Variants in SLC5A8 observed in about 807,000 individuals in gnomAD.
SLC5A8 encodes solute carrier family 5 member 8, also known as sodium-coupled monocarboxylate transporter 1.
SLC5A8 carries 55 observed loss-of-function variants against 71.9 expected under a neutral mutation model. The observed-to-expected ratio is 0.77, with a 90% CI of 0.62 to 0.96. SLC5A8 has a LOEUF of 0.96. Among genes scored for constraint, SLC5A8 ranks in the 40% least tolerant of loss-of-function variants. The probability of loss-of-function intolerance (pLI) is 0.00; values close to 1 mark genes in which losing one functional copy is unlikely to be tolerated. For synonymous variants in SLC5A8, 307 were observed against 276.1 expected (o/e 1.11, Z -1.11); for missense variants, 701 against 745.3 (o/e 0.94, Z 0.69).
intron 7 of SLC5A8, among the ~76,000 whole-genome samples, chr12:101,184,649 C>A (rs1196341125): frequency 1.3e-5 from 2 of 152,182 alleles, no homozygotes; most frequent in South Asian, 2.1e-4. Flanking sequence ...ATTTGACACA[C>A]CTCTGTGCTT....
intron 10 of SLC5A8, among the ~76,000 whole-genome samples, chr12:101,170,266 G>A (rs2051816354): frequency 6.6e-6 from 1 of 152,192 alleles, no homozygotes; most frequent in African/African-American, 2.4e-5. Flanking sequence ...CACAGGAGGT[G>A]AAAGACCCTT....
rs117461589 is a variant in SLC5A8 at position 101,171,698 on chromosome 12, C to T, written c.1234-3516G>A. Among the ~76,000 whole-genome samples the T allele has an allele frequency of 7.9e-3, 1,198 of 152,214 alleles. 12 individuals carry two copies. Among genetic ancestry groups the T allele is most frequent in the South Asian group, 0.026 (125 of 4,810 alleles). On this transcript the variant is annotated intron_variant, in intron 10 of 14. Transcript: ENST00000536262. ...AGGACAGGTAGCGACCAAGTCTGGA[C>T]GGGAAGCAATGGATGTGTGGCAGGC...
Position 101,157,344 on chromosome 12 carries a change from G to T in SLC5A8, c.1768C>A (p.Pro590Thr), listed in dbSNP as rs1566302431. 1 of 1,612,980 alleles carries T rather than the reference G, an allele frequency of 6.2e-7. No homozygotes were observed. Among genetic ancestry groups the T allele is most frequent in the South Asian group, 1.1e-5 (1 of 90,956 alleles). ...HPVEDGGTDN[P>T]AFNHIELNSD... ...TTCAATTCAATGTGGTTGAAAGCAG[G>T]ATTATCAGTTCCACCATCTTCCACT... Residue 590 changes from proline (P) to threonine (T), a missense_variant, in exon 15 of 15, where the codon CCT becomes ACT. By Grantham distance (38) the Pro-to-Thr change is conservative. Transcript: ENST00000536262.
In SLC5A8 at chr12:101,156,854, GA is replaced by G. The variant is rs35584878; in HGVS notation, c.*424del. On this transcript the variant is annotated 3_prime_UTR_variant, in exon 15 of 15. Coordinates refer to ENST00000536262, the MANE Select transcript of SLC5A8 (RefSeq NM_145913.5). ...TAAGAATGGTGTATGTGGTAGGAGG[GA>G]AAAAAGCTCTTTTCAAGATGAATTG... 2 of 163,798 alleles carry G rather than the reference GA, an allele frequency of 1.2e-5. No homozygotes were observed. Among genetic ancestry groups the G allele is most frequent in the African/African-American group, 4.8e-5 (2 of 41,534 alleles). 10.1% of individuals were successfully genotyped at this position (163,798 alleles called of 1,614,324 possible).
chr12:101,193,409 C>T (rs1042929456), intron 5 of SLC5A8, among the ~76,000 whole-genome samples: 1 of 152,216 alleles, frequency 6.6e-6, no homozygotes, highest in Non-Finnish European at 1.5e-5. Flanking sequence ...AAACATTGCT[C>T]TAAGCACCAT....
At chr12:101,187,268 G>A in intron 7 of SLC5A8, 118 bp downstream of exon 7, 1 of 1,113,054 alleles carries the variant, frequency 9.0e-7, no homozygotes. Context: ...AGAAATGTAA[G>A]ATGATGATGG....
At chr12:101,184,063 G>T in intron 8 of SLC5A8, 71 bp downstream of exon 8, 2 of 1,482,834 alleles carry the variant, frequency 1.3e-6, no homozygotes, top group Non-Finnish European at 1.9e-6. Flanking sequence ...ACATTATCCC[G>T]CTAAAGTATC....
intron 9 of SLC5A8, 131 bp downstream of exon 9, chr12:101,182,672 T>TAG (rs1868422014): frequency 1.7e-6 from 1 of 606,038 alleles, no homozygotes; most frequent in Admixed American, 3.7e-5. Context: ...TGCATTGTCA[T>TAG]AGGCATACAT....
At chr12:101,190,665 T>C (rs1304072539) in intron 5 of SLC5A8, 57 bp from the exon 6 acceptor site, 28 of 1,499,064 alleles carry the variant, frequency 1.9e-5, no homozygotes, top group Non-Finnish European at 2.0e-5. Context: ...TAAAAAAAAT[T>C]CTCTTAGACT....
intron 10 of SLC5A8, among the ~76,000 whole-genome samples, chr12:101,170,856 A>G (rs918346648): frequency 1.3e-5 from 2 of 152,164 alleles, no homozygotes; most frequent in Non-Finnish European, 2.9e-5. Context: ...CCATGATGTC[A>G]GTGAATTCCA....
Position 101,209,756 on chromosome 12 carries a change from G to A in SLC5A8, c.93C>T (p.Tyr31=), listed in dbSNP as rs750341396. ...MLVISAAIGI[Y]YAFAGGGQQT... is the part of the protein sequence containing the mutation. ...GCTGGCCGCCCCCAGCGAAGGCGTA[G>A]TAGATGCCGATGGCGGCCGAGATGA... is the stretch of plus-strand genomic sequence containing the variant. The change falls in exon 1 of 15, where the codon TAC becomes TAT. Residue 31 remains tyrosine (Y), a synonymous_variant. Transcript: ENST00000536262. 9.9e-6 allele frequency: 16 copies of A among 1,612,044 alleles called. No homozygotes were observed. The highest frequency in any genetic ancestry group is 1.3e-5 in the Non-Finnish European group (15 of 1,179,310).
rs925735334 is a variant in SLC5A8, at chr12:101,208,725, C to T, written c.351+773G>A. ...CTTGCTGCCTAATTTTCCTACTGAT[C>T]CCAAGATAACTACCACCATCACAAC... On this transcript the variant is annotated intron_variant, in intron 1 of 14. Coordinates refer to ENST00000536262, the MANE Select transcript of SLC5A8 (RefSeq NM_145913.5). Among the ~76,000 whole-genome samples, 3 of 152,158 alleles carry T rather than the reference C, an allele frequency of 2.0e-5. No individual in the cohort carries two copies. In the East Asian group the frequency reaches 5.8e-4, roughly 29 times the overall value.
chr12:101,186,080 ATTT>A (rs35334880), intron 7 of SLC5A8, among the ~76,000 whole-genome samples: 249 of 134,754 alleles, frequency 1.8e-3, no homozygotes, highest in African/African-American at 5.6e-3. Context: ...AGCCGTAGGG[ATTT>A]TTTTTTTTTT....
chr12:101,169,202 G>A (rs1272229731), intron 10 of SLC5A8, among the ~76,000 whole-genome samples: 2 of 152,176 alleles, frequency 1.3e-5, no homozygotes, highest in African/African-American at 4.8e-5. Context: ...TGTGATCTGT[G>A]AGCAGTTTTG....
rs537451734 is a variant in SLC5A8 at position 101,191,938 on chromosome 12, C to T, written c.693-1330G>A. On this transcript the variant is annotated intron_variant, in intron 5 of 14. Coordinates refer to ENST00000536262, the MANE Select transcript of SLC5A8 (RefSeq NM_145913.5). ...ACTTCTGTGCTCCAATATATGTATC[C>T]TTCATATAAAGTGACAGCTATCTTG... Among the ~76,000 whole-genome samples, 12 of 152,164 alleles carry T rather than the reference C, an allele frequency of 7.9e-5. 1 individual carries two copies. The highest frequency in any genetic ancestry group is 4.1e-4 in the South Asian group (2 of 4,826).
At chr12:101,162,705 A>C (rs1275962701) in intron 12 of SLC5A8, among the ~76,000 whole-genome samples, 1 of 152,216 alleles carries the variant, frequency 6.6e-6, no homozygotes, top group African/African-American at 2.4e-5. Context: ...TTACTTATGG[A>C]CACAAAGAAG....
chr12:101,204,448 G>T, intron 2 of SLC5A8, 52 bp downstream of exon 2: 1 of 1,467,008 alleles, frequency 6.8e-7, no homozygotes, highest in African/African-American at 1.4e-5. Flanking sequence ...CAGATGCCAT[G>T]GTTAAAAACA....
intron 7 of SLC5A8, among the ~76,000 whole-genome samples, chr12:101,186,935 A>G (rs1304566098): frequency 1.3e-5 from 2 of 152,208 alleles, no homozygotes; most frequent in African/African-American, 4.8e-5. Context: ...ATCTCACCAC[A>G]TAGTTGGTAC....
chr12:101,179,961 A>G lies in SLC5A8; in HGVS notation c.1233+68T>C, dbSNP rs539137092. 5 of 1,524,492 alleles carry G rather than the reference A, an allele frequency of 3.3e-6. No individual in the cohort carries two copies. In the African/African-American group the frequency reaches 6.8e-5, roughly 21 times the overall value. The allele number at this position is 1,524,492 out of a possible 1,614,324, so 94.4% of individuals were successfully genotyped here. A position where few individuals can be genotyped will look rare whatever the true frequency, so the allele number is the denominator to read the frequency against. On this transcript the variant is annotated intron_variant, in intron 10 of 14. Coordinates refer to ENST00000536262, the MANE Select transcript of SLC5A8 (RefSeq NM_145913.5). Reference sequence around the variant, plus strand: ...TATATATCGAGAGAAGTCTGGAAGGATGGTCACATCAACATTGAAAAAAGA... The same window carrying G: ...TATATATCGAGAGAAGTCTGGAAGGGTGGTCACATCAACATTGAAAAAAGA...
Sources: gnomAD v4.1 joint callset for allele counts (sites outside exome capture counted in the v4.1 genomes callset) on GRCh38, gnomAD v4.1.1 for gene constraint, MANE v1.5 for transcripts, NCBI Gene and HGNC (gene_info 2026-07-23, HGNC 2026-07-21) for gene names.